Variants in PCDH15 observed in about 807,000 individuals in gnomAD.
The protein encoded by PCDH15 is protocadherin related 15.
Under a neutral mutation model 178.5 loss-of-function variants are expected in PCDH15, and 129 were observed. The ratio of observed to expected loss-of-function variants is 0.72; its 90% confidence interval spans 0.63 to 0.84. The LOEUF (loss-of-function observed/expected upper bound fraction) is 0.84, where lower values mean the gene tolerates loss of function less well. PCDH15 is among the 40% of genes least tolerant of loss of function. The probability of loss-of-function intolerance (pLI) is 0.00; values close to 1 mark genes in which losing one functional copy is unlikely to be tolerated. For synonymous variants in PCDH15, 800 were observed against 732.0 expected, an observed-to-expected ratio of 1.09 and a Z score of -1.50; for missense variants, 2,230 against 2,099.9, an observed-to-expected ratio of 1.06 and a Z score of -1.21.
At chr10:54,086,922 C>G (rs1219948139) in intron 16 of PCDH15, among the ~76,000 whole-genome samples, 1 of 152,186 alleles carries the variant, frequency 6.6e-6, no homozygotes, top group African/African-American at 2.4e-5. Context: ...CAGCCATTAT[C>G]TTTTTCATTC....
chr10:54,138,858 G>A (rs1328178179), intron 14 of PCDH15, among the ~76,000 whole-genome samples: 2 of 152,054 alleles, frequency 1.3e-5, no homozygotes, highest in South Asian at 4.1e-4. Flanking sequence ...GGATCTTTAT[G>A]TGTGTTTATA....
At chr10:54,838,322 G>C (rs778002855) in intron 3 of PCDH15, among the ~76,000 whole-genome samples, 1 of 152,062 alleles carries the variant, frequency 6.6e-6, no homozygotes, top group Non-Finnish European at 1.5e-5. Flanking sequence ...TGTGGTTCTC[G>C]TGATAGTAAG....
chr10:54,581,231 T>C (rs2091008194), intron 2 of PCDH15, among the ~76,000 whole-genome samples: 2 of 152,100 alleles, frequency 1.3e-5, no homozygotes, highest in Admixed American at 6.6e-5. Context: ...AATGGATAAA[T>C]GACTTCAGTA....
rs558189536 is a variant in PCDH15, at chr10:54,706,654, C to T, written c.-28-42364G>A. 1.1e-4 allele frequency among the ~76,000 whole-genome samples: 17 copies of T among 152,242 alleles called. No homozygotes were observed. The South Asian group carries it at 3.5e-3, about 32-fold the overall frequency. On this transcript the variant is annotated intron_variant, in intron 1 of 37. Transcript: ENST00000644397. Reference sequence around the variant, plus strand: ...AATTTATTTTTTCAATACGGTGTCTCGCTCTGTTGCCCAGGCTGTAGTGCA... The same window carrying T: ...AATTTATTTTTTCAATACGGTGTCTTGCTCTGTTGCCCAGGCTGTAGTGCA...
At chr10:53,840,152 A>G (rs1450155521) in intron 29 of PCDH15, among the ~76,000 whole-genome samples, 168 bp downstream of exon 29, 1 of 144,250 alleles carries the variant, frequency 6.9e-6, no homozygotes, top group Non-Finnish European at 1.5e-5. Flanking sequence ...TTAGACCTGA[A>G]AACTTTAAGG....
At chr10:54,469,624 C>T (rs766740207) in intron 3 of PCDH15, among the ~76,000 whole-genome samples, 5 of 152,156 alleles carry the variant, frequency 3.3e-5, no homozygotes, top group Non-Finnish European at 5.9e-5. Context: ...CCCTAATTTT[C>T]AGGGCTGCAT....
At position 54,709,605 on chromosome 10, in the gene PCDH15, TATATAC is replaced by T. The variant is rs370248580; in HGVS notation, c.-28-45321_-28-45316del. Among the ~76,000 whole-genome samples the T allele has an allele frequency of 4.6e-3, 582 of 125,168 alleles. 8 individuals carry two copies. Among genetic ancestry groups the T allele is most frequent in the African/African-American group, 0.016 (443 of 27,748 alleles). The allele number at this position is 125,168 out of a possible 152,430, so 82.1% of individuals were successfully genotyped here. Reference sequence around the variant, plus strand: ...ATTACAAATAATTCATATATATATATATATACATATATATATATATATAAAATCACT... The same window carrying T: ...ATTACAAATAATTCATATATATATATATATATATATATATATAAAATCACT... On this transcript the variant is annotated intron_variant, in intron 1 of 37. Transcript: ENST00000644397.
rs73254098 is a variant in PCDH15, at chr10:54,836,152, G to T, written c.-29+61298C>A. 3.7e-3 allele frequency among the ~76,000 whole-genome samples: 562 copies of T among 152,286 alleles called. 1 individual carries two copies. The highest frequency in any genetic ancestry group is 0.013 in the African/African-American group (540 of 41,572). On this transcript the variant is annotated intron_variant, in intron 3 of 5. Transcript: ENST00000458638. ...ATTCATCACCAATGTCTAAACGTCT[G>T]CAGAGAAGATAAAGAGTTAGTGGAG...
chr10:54,039,539 C>A (rs1172195209), intron 18 of PCDH15, among the ~76,000 whole-genome samples: 1 of 151,916 alleles, frequency 6.6e-6, no homozygotes. Flanking sequence ...TGATATCTAA[C>A]AGAAGGAAAA....
chr10:55,424,661 T>C (rs565199653), intron 2 of PCDH15, among the ~76,000 whole-genome samples: 1 of 152,224 alleles, frequency 6.6e-6, no homozygotes, highest in East Asian at 1.9e-4. Flanking sequence ...TGTACTAGTA[T>C]TTATGTTGGG....
intron 3 of PCDH15, among the ~76,000 whole-genome samples, chr10:54,506,876 G>T (rs1565451051): frequency 1.3e-5 from 2 of 151,516 alleles, no homozygotes; most frequent in Non-Finnish European, 2.9e-5. Context: ...ATAACATTTG[G>T]AAAAAAACAA....
chr10:54,591,376 G>A (rs993816568), intron 2 of PCDH15, among the ~76,000 whole-genome samples: 2 of 152,326 alleles, frequency 1.3e-5, no homozygotes, highest in East Asian at 3.9e-4. Context: ...GCAGGCAAAT[G>A]TAACATTGCT....
At chr10:55,330,741 G>C (rs1176929842) in intron 2 of PCDH15, among the ~76,000 whole-genome samples, 3 of 151,574 alleles carry the variant, frequency 2.0e-5, no homozygotes, top group Non-Finnish European at 4.4e-5. Context: ...GATAAGCTTA[G>C]CTTTTTGATC....
intron 1 of PCDH15, among the ~76,000 whole-genome samples, chr10:54,773,224 A>G (rs1327903519): frequency 3.3e-5 from 5 of 152,182 alleles, no homozygotes; most frequent in Non-Finnish European, 7.3e-5. Context: ...ACAAACCTGC[A>G]TATGCTGCAC....
At chr10:55,432,505 A>G (rs1386508839) in intron 2 of PCDH15, among the ~76,000 whole-genome samples, 2 of 152,144 alleles carry the variant, frequency 1.3e-5, no homozygotes, top group East Asian at 1.9e-4. Flanking sequence ...CTGTTTGGAG[A>G]CTATTACAAA....
At chr10:54,830,560 A>T (rs986151465) in intron 3 of PCDH15, among the ~76,000 whole-genome samples, 1 of 151,814 alleles carries the variant, frequency 6.6e-6, no homozygotes, top group African/African-American at 2.4e-5. Context: ...CAGGAAGGGG[A>T]ACATCACAAT....
At chr10:54,289,661 A>G (rs2059268135) in intron 8 of PCDH15, among the ~76,000 whole-genome samples, 1 of 152,180 alleles carries the variant, frequency 6.6e-6, no homozygotes, top group Admixed American at 6.5e-5. Context: ...AAATGGTTAG[A>G]CGAATGCCTA....
chr10:55,526,517 T>G (rs1469876105), intron 2 of PCDH15, among the ~76,000 whole-genome samples: 1 of 152,022 alleles, frequency 6.6e-6, no homozygotes, highest in Non-Finnish European at 1.5e-5. Context: ...TAATACTTTT[T>G]TCTTTAGCAC....
chr10:55,532,022 T>G (rs1841465401), intron 2 of PCDH15, among the ~76,000 whole-genome samples: 1 of 152,060 alleles, frequency 6.6e-6, no homozygotes, highest in African/African-American at 2.4e-5. Context: ...CTGATCTTTG[T>G]AAGTAATTCT....
Sources: gnomAD v4.1 joint callset for allele counts (sites outside exome capture counted in the v4.1 genomes callset) on GRCh38, gnomAD v4.1.1 for gene constraint, MANE v1.5 for transcripts, NCBI Gene and HGNC (gene_info 2026-07-23, HGNC 2026-07-21) for gene names.